Variants in AP3S1 observed in about 807,000 individuals in gnomAD.
AP3S1 encodes the protein AP-3 complex subunit sigma-1.
AP3S1 carries 12 observed loss-of-function variants against 21.3 expected under a neutral mutation model. The observed-to-expected ratio is 0.56, with a 90% CI of 0.36 to 0.91. The LOEUF (loss-of-function observed/expected upper bound fraction) is 0.91. Ranked by LOEUF, AP3S1 falls within the 40% of genes least tolerant of loss-of-function variation. The pLI is 0.01. For synonymous variants in AP3S1, 48 were observed against 78.4 expected, an observed-to-expected ratio of 0.61 and a Z score of 2.05; for missense variants, 116 against 225.0, an observed-to-expected ratio of 0.52 and a Z score of 3.10.
intron 3 of AP3S1, among the ~76,000 whole-genome samples, chr5:115,894,479 G>T (rs1171121740): frequency 1.3e-5 from 2 of 152,280 alleles, no homozygotes; most frequent in East Asian, 3.9e-4. Context: ...TAGTTCTCAG[G>T]AGCTGGCCAA....
chr5:115,897,278 A>G (rs1750831151), intron 4 of AP3S1, among the ~76,000 whole-genome samples: 1 of 152,190 alleles, frequency 6.6e-6, no homozygotes, highest in Admixed American at 6.5e-5. Flanking sequence ...ACACAACACT[A>G]TATCACTATT....
intron 3 of AP3S1, among the ~76,000 whole-genome samples, chr5:115,873,725 C>G (rs79870460): frequency 0.032 from 4,911 of 152,148 alleles, 282 homozygotes; most frequent in African/African-American, 0.11. Context: ...TCAGAGAGAA[C>G]TGATTTTCTT....
chr5:115,888,236 C>T (rs935410362), intron 3 of AP3S1, among the ~76,000 whole-genome samples: 1 of 151,984 alleles, frequency 6.6e-6, no homozygotes, highest in Non-Finnish European at 1.5e-5. Flanking sequence ...TACTATGATA[C>T]TTCTAGGTCT....
At chr5:115,902,539 A>C (rs1405231890) in intron 4 of AP3S1, among the ~76,000 whole-genome samples, 1 of 152,194 alleles carries the variant, frequency 6.6e-6, no homozygotes. Flanking sequence ...ATATTTTAGT[A>C]TTAAACTTCA....
chr5:115,886,537 T>G (rs1749798700), intron 3 of AP3S1, among the ~76,000 whole-genome samples: 1 of 152,224 alleles, frequency 6.6e-6, no homozygotes, highest in Admixed American at 6.5e-5. Flanking sequence ...GCTCGTTTTA[T>G]TGTAAGATTG....
Position 115,842,100 on chromosome 5 carries a change from G to A in AP3S1, c.63G>A (p.Gln21=). Residue 21 remains glutamine (Q), a synonymous_variant, in exon 1 of 6, where the codon CAG becomes CAA. Coordinates refer to ENST00000316788, the MANE Select transcript of AP3S1 (RefSeq NM_001284.4). Reference sequence around the variant, plus strand: ...AGCCGCGGCTCTCCAAGTTCTACCAGCCCTACGTGAGTATCCAGCCGCCGC... The same window carrying A: ...AGCCGCGGCTCTCCAAGTTCTACCAACCCTACGTGAGTATCCAGCCGCCGC... ...HGKPRLSKFY[Q]PYSEDTQQQI... is the part of the protein sequence containing the mutation. 5 of 1,561,300 alleles carry A rather than the reference G, an allele frequency of 3.2e-6. No homozygotes were observed. The South Asian group carries it at 3.6e-5, about 11-fold the overall frequency.
intron 3 of AP3S1, among the ~76,000 whole-genome samples, chr5:115,875,720 T>A (rs1480315227): frequency 6.6e-6 from 1 of 152,168 alleles, no homozygotes; most frequent in East Asian, 1.9e-4. Flanking sequence ...TTAGGAAAAT[T>A]CTGCCTCCTA....
intron 3 of AP3S1, among the ~76,000 whole-genome samples, chr5:115,887,584 AGCTAAT>A (rs1749911092): frequency 6.6e-6 from 1 of 152,112 alleles, no homozygotes; most frequent in Admixed American, 6.6e-5. Flanking sequence ...TTATAATACT[AGCTAAT>A]GTATATTGAG....
intron 1 of AP3S1, among the ~76,000 whole-genome samples, chr5:115,845,390 C>A (rs950048737): frequency 1.7e-4 from 26 of 152,164 alleles, no homozygotes; most frequent in African/African-American, 6.3e-4. Flanking sequence ...TTCATCTCTG[C>A]CCTTTAACAG....
At chr5:115,853,819 C>G (rs1045264942) in intron 1 of AP3S1, among the ~76,000 whole-genome samples, 2 of 152,178 alleles carry the variant, frequency 1.3e-5, no homozygotes, top group African/African-American at 2.4e-5. Flanking sequence ...ATGGTTGACT[C>G]TCTAAATATT....
intron 1 of AP3S1, among the ~76,000 whole-genome samples, chr5:115,862,500 G>T (rs1028532796): frequency 6.6e-6 from 1 of 152,136 alleles, no homozygotes; most frequent in African/African-American, 2.4e-5. Context: ...AGTACGTGGT[G>T]CTACTCTCAG....
At chr5:115,904,134 G>C (rs990217582) in intron 5 of AP3S1, 3 of 151,834 alleles carry the variant, frequency 2.0e-5, no homozygotes, top group African/African-American at 7.2e-5. Flanking sequence ...CAACTTGTTT[G>C]AGGATACTCT....
intron 1 of AP3S1, among the ~76,000 whole-genome samples, chr5:115,863,124 G>T (rs1763324455): frequency 6.6e-6 from 1 of 152,148 alleles, no homozygotes; most frequent in Non-Finnish European, 1.5e-5. Flanking sequence ...TTATGGCTGG[G>T]CGTGGTGGCT....
chr5:115,852,443 T>C (rs1338274819), intron 1 of AP3S1, among the ~76,000 whole-genome samples: 1 of 151,878 alleles, frequency 6.6e-6, no homozygotes, highest in Non-Finnish European at 1.5e-5. Context: ...AGCTAACCTT[T>C]TAAAAAAAAT....
chr5:115,844,603 G>A (rs1761921927), intron 1 of AP3S1, among the ~76,000 whole-genome samples: 1 of 152,188 alleles, frequency 6.6e-6, no homozygotes, highest in Admixed American at 6.5e-5. Context: ...GGAGCAGACT[G>A]TGTAAGGGAA....
At chr5:115,912,015 A>C (rs946653973) in intron 5 of AP3S1, 1 of 151,888 alleles carries the variant, frequency 6.6e-6, no homozygotes. Flanking sequence ...TAATTTTTCT[A>C]TTATTTCCAA....
intron 1 of AP3S1, among the ~76,000 whole-genome samples, chr5:115,860,066 T>C (rs1468772190): frequency 6.6e-6 from 1 of 152,220 alleles, no homozygotes; most frequent in East Asian, 1.9e-4. Context: ...TTCTGGAGGC[T>C]CTGGGAGAGA....
intron 5 of AP3S1, chr5:115,904,030 C>T (rs117559964): frequency 1.3e-5 from 2 of 151,476 alleles, no homozygotes; most frequent in Non-Finnish European, 2.9e-5. Flanking sequence ...TGCAGTGAGC[C>T]GAGATCACAT....
In AP3S1 at chr5:115,901,497, G is replaced by C. The variant is rs1463652692; in HGVS notation, c.346-1388G>C. ...ATTAATTTATATAAATTTGTCTTCA[G>C]AATTTGTGCATGAGGTGTCCATGCT... On this transcript the variant is annotated intron_variant, in intron 4 of 5. Coordinates refer to ENST00000316788, the MANE Select transcript of AP3S1 (RefSeq NM_001284.4). Among the ~76,000 whole-genome samples, 17 of 148,758 alleles carry C rather than the reference G, an allele frequency of 1.1e-4. 1 individual carries two copies. In the Admixed American group the frequency reaches 1.2e-3, roughly 10 times the overall value.
Sources: gnomAD v4.1 joint callset for allele counts (sites outside exome capture counted in the v4.1 genomes callset) on GRCh38, gnomAD v4.1.1 for gene constraint, MANE v1.5 for transcripts, NCBI Gene and HGNC (gene_info 2026-07-23, HGNC 2026-07-21) for gene names.